Variants in FBXL13 observed in about 807,000 individuals in gnomAD.
FBXL13 encodes F-box and leucine-rich repeat protein 13.
FBXL13 carries 67 observed loss-of-function variants against 83.6 expected under a neutral mutation model. The observed-to-expected ratio is 0.80, with a 90% confidence interval of 0.66 to 0.98. The LOEUF (loss-of-function observed/expected upper bound fraction) is 0.98, where lower values mean the gene tolerates loss of function less well. Among genes scored for constraint, FBXL13 ranks in the 50% least tolerant of loss-of-function variants. The probability of loss-of-function intolerance (pLI) is 0.00; values close to 1 mark genes in which losing one functional copy is unlikely to be tolerated. For missense variants in FBXL13, 822 were observed against 866.5 expected (o/e 0.95, Z 0.64); for synonymous variants, 272 against 299.5 (o/e 0.91, Z 0.95).
intron 2 of FBXL13, among the ~76,000 whole-genome samples, chr7:103,041,923 T>A (rs772860873): frequency 2.9e-4 from 44 of 152,224 alleles, no homozygotes; most frequent in Non-Finnish European, 5.0e-4. Context: ...AAGACAAGGA[T>A]GCCCTCTCTC....
At chr7:102,926,308 T>C in exon 10 of FBXL13, 1 of 1,613,908 alleles carries the variant, frequency 6.2e-7, no homozygotes, top group Non-Finnish European at 8.5e-7. Context: ...TTGGTGATAG[T>C]TGTGTTAGAC....
intron 6 of FBXL13, among the ~76,000 whole-genome samples, chr7:102,979,202 C>A (rs551179343): frequency 1.3e-5 from 2 of 152,220 alleles, no homozygotes; most frequent in East Asian, 3.9e-4. Flanking sequence ...ATGGTCACAG[C>A]CTGGATTAGT....
At chr7:102,862,553 A>G (rs924801635) in intron 16 of FBXL13, among the ~76,000 whole-genome samples, 1 of 152,202 alleles carries the variant, frequency 6.6e-6, no homozygotes, top group South Asian at 2.1e-4. Context: ...ACAAAGCAAC[A>G]CAGTTCTGGT....
chr7:102,922,771 G>A (rs1313407853), intron 10 of FBXL13, among the ~76,000 whole-genome samples: 1 of 151,892 alleles, frequency 6.6e-6, no homozygotes, highest in East Asian at 1.9e-4. Context: ...AGGAGATCGA[G>A]ACCATCCTGG....
intron 8 of FBXL13, among the ~76,000 whole-genome samples, chr7:102,963,098 C>T (rs1383164328): frequency 6.6e-6 from 1 of 150,558 alleles, no homozygotes; most frequent in Non-Finnish European, 1.5e-5. Context: ...GCGGGTGGAT[C>T]ACTTGAGGTC....
At chr7:102,952,952 C>G (rs1823647804) in intron 8 of FBXL13, among the ~76,000 whole-genome samples, 1 of 152,104 alleles carries the variant, frequency 6.6e-6, no homozygotes, top group Non-Finnish European at 1.5e-5. Flanking sequence ...CCACTGAACT[C>G]CAGCCTGGGT....
In FBXL13 at chr7:102,944,313, C is replaced by G. The variant is rs770574084; in HGVS notation, c.725-12380G>C. The G allele has an allele frequency of 1.1e-5, 18 of 1,613,870 alleles. No homozygotes were observed. In the Admixed American group the frequency reaches 3.0e-4, roughly 27 times the overall value. ...TAGAAGACTTGTATTTTTTGAAACT[C>G]TTGTGGCTCAGAGATAACCCTTGGA... On this transcript the variant is annotated intron_variant, in intron 8 of 19. Coordinates refer to ENST00000313221, the Ensembl canonical transcript of FBXL13.
At chr7:102,869,233 T>C (rs6956781) in intron 16 of FBXL13, among the ~76,000 whole-genome samples, 28,968 of 152,196 alleles carry the variant, frequency 0.19, 3,027 homozygotes, top group East Asian at 0.43. Context: ...GTGTTAATGA[T>C]GTTGAGTATT....
chr7:102,881,576 G>GTGT (rs142374816), intron 14 of FBXL13, among the ~76,000 whole-genome samples: 3 of 95,498 alleles, frequency 3.1e-5, no homozygotes, highest in African/African-American at 1.4e-4. Flanking sequence ...GTGTGTGTGT[G>GTGT]GGGGGGGTGG....
intron 10 of FBXL13, among the ~76,000 whole-genome samples, chr7:102,925,989 G>A (rs888372055): frequency 6.6e-6 from 1 of 150,860 alleles, no homozygotes; most frequent in Non-Finnish European, 1.5e-5. Flanking sequence ...GAATGTAAGG[G>A]CCAGAAAGCT....
intron 18 of FBXL13, 98 bp downstream of exon 19, chr7:102,832,742 A>G: frequency 1.5e-6 from 2 of 1,358,068 alleles, no homozygotes; most frequent in South Asian, 2.1e-5. Flanking sequence ...AACCATGGCA[A>G]AGAGAACATA....
In FBXL13 at chr7:102,961,102, A is replaced by T. The variant is rs1214887885; in HGVS notation, c.724+2431T>A. 4.7e-5 allele frequency among the ~76,000 whole-genome samples: 7 copies of T among 150,070 alleles called. No homozygotes were observed. The East Asian group carries it at 1.4e-3, about 29-fold the overall frequency. ...TAGAAAACCCCATTGTCTCAGCCCA[A>T]AATCTCCTTAAGCTGATAAGCAACT... On this transcript the variant is annotated intron_variant, in intron 8 of 19. Coordinates refer to ENST00000313221, the Ensembl canonical transcript of FBXL13.
chr7:102,974,836 CT>C (rs1827235828), intron 6 of FBXL13, among the ~76,000 whole-genome samples: 1 of 152,116 alleles, frequency 6.6e-6, no homozygotes, highest in East Asian at 1.9e-4. Flanking sequence ...CAGCCTTCAT[CT>C]TCCCAGTCGC....
chr7:102,906,320 C>A (rs1269420980), intron 11 of FBXL13, among the ~76,000 whole-genome samples: 1 of 152,160 alleles, frequency 6.6e-6, no homozygotes, highest in African/African-American at 2.4e-5. Context: ...CTGATTATGT[C>A]TTGAAAAGTT....
At chr7:102,847,973 A>T (rs991140151) in intron 17 of FBXL13, among the ~76,000 whole-genome samples, 1 of 152,196 alleles carries the variant, frequency 6.6e-6, no homozygotes, top group Admixed American at 6.5e-5. Context: ...ATATGATCTA[A>T]TATATACCAA....
chr7:102,829,430 T>C (rs1274010982), intron 18 of FBXL13, among the ~76,000 whole-genome samples: 1 of 152,236 alleles, frequency 6.6e-6, no homozygotes, highest in East Asian at 1.9e-4. Context: ...CTTATCCCTC[T>C]CAGAGGTGCA....
At chr7:102,954,512 A>G (rs1156642227) in intron 8 of FBXL13, among the ~76,000 whole-genome samples, 1 of 152,204 alleles carries the variant, frequency 6.6e-6, no homozygotes, top group Non-Finnish European at 1.5e-5. Context: ...AGCAAACATC[A>G]TAACGACAGG....
At chr7:103,001,575 C>T (rs778081930) in intron 6 of FBXL13, among the ~76,000 whole-genome samples, 22 of 152,158 alleles carry the variant, frequency 1.4e-4, no homozygotes, top group Non-Finnish European at 2.5e-4. Flanking sequence ...GGAAGACTCA[C>T]CCTCAATGTG....
At chr7:102,997,897 G>A (rs1789981247) in intron 6 of FBXL13, among the ~76,000 whole-genome samples, 1 of 152,042 alleles carries the variant, frequency 6.6e-6, no homozygotes, top group Non-Finnish European at 1.5e-5. Flanking sequence ...AGATATCTTT[G>A]GTATGCTGAT....
Sources: allele counts gnomAD v4.1 joint callset (sites outside exome capture counted in the v4.1 genomes callset), GRCh38; gene constraint gnomAD v4.1.1; transcripts MANE v1.5; gene names NCBI Gene and HGNC (gene_info 2026-07-23, HGNC 2026-07-21).